ATAT1: variants seen among roughly 807,000 people sequenced by gnomAD.
The protein encoded by ATAT1 is alpha tubulin acetyltransferase 1, also known as alpha-tubulin N-acetyltransferase 1.
Under a neutral mutation model 57.2 loss-of-function variants are expected in ATAT1, and 42 were observed. The observed-to-expected ratio is 0.73, with a 90% CI of 0.57 to 0.95. The LOEUF is 0.95. Among genes scored for constraint, ATAT1 ranks in the 40% least tolerant of loss-of-function variants. The probability of loss-of-function intolerance (pLI) is 0.00; values close to 1 mark genes in which losing one functional copy is unlikely to be tolerated. For missense variants in ATAT1, 454 were observed against 523.7 expected, an observed-to-expected ratio of 0.87 and a Z score of 1.30; for synonymous variants, 168 against 187.1, an observed-to-expected ratio of 0.90 and a Z score of 0.83.
In ATAT1 at chr6:30,626,969, AC is replaced by A; in HGVS notation, c.-232del. 1 of 1,603,084 alleles carries A rather than the reference AC, an allele frequency of 6.2e-7. No individual in the cohort carries two copies. Among genetic ancestry groups the A allele is most frequent in the Non-Finnish European group, 8.5e-7 (1 of 1,175,286 alleles). On this transcript the variant is annotated 5_prime_UTR_variant, in exon 1 of 13. Transcript: ENST00000330083. ...AGCACCTGAGGCCCCCAGCCCGCCG[AC>A]CCGGAACCACAACGCCGGCCCGGTG...
chr6:30,628,028 T>C lies in ATAT1; in HGVS notation c.286-4T>C. The C allele has an allele frequency of 6.2e-7, 1 of 1,612,586 alleles. No individual in the cohort carries two copies. Among genetic ancestry groups the C allele is most frequent in the Non-Finnish European group, 8.5e-7 (1 of 1,179,592 alleles). On this transcript the variant is annotated splice_region_variant and splice_polypyrimidine_tract_variant and intron_variant, in intron 4 of 12. Coordinates refer to ENST00000330083, the MANE Select transcript of ATAT1 (RefSeq NM_001031722.4). Reference sequence around the variant, plus strand: ...CTAAAACATTTTTATTGTTTCTCTCTTAGGATGATCGTGAGGCTCATAATG... The same window carrying C: ...CTAAAACATTTTTATTGTTTCTCTCCTAGGATGATCGTGAGGCTCATAATG...
At position 30,627,273 on chromosome 6, in the gene ATAT1, A is replaced by T. The variant is rs571884853; in HGVS notation, c.70A>T (p.Ser24Cys). Reference sequence around the variant, plus strand: ...GGAGGAGGGAGTGTGCCACCTTGAAAGGTGTGACAGAAGTTTGGGTTTCAG... The same window carrying T: ...GGAGGAGGGAGTGTGCCACCTTGAATGGTGTGACAGAAGTTTGGGTTTCAG... The change falls in exon 1 of 13, where the codon AGT becomes TGT. Residue 24 changes from serine (S) to cysteine (C), a missense_variant and splice_region_variant. Around this residue, in one of 3 missense-constraint regions of ATAT1, gnomAD observed 236 missense variants for 284.5 expected, o/e 0.83. Coordinates refer to ENST00000330083, the MANE Select transcript of ATAT1 (RefSeq NM_001031722.4). 18 of 1,613,852 alleles carry T rather than the reference A, an allele frequency of 1.1e-5. No individual in the cohort carries two copies. The South Asian group carries it at 2.0e-4, about 18-fold the overall frequency.
intron 6 of ATAT1, among the ~76,000 whole-genome samples, chr6:30,637,991 C>T (rs978356070): frequency 1.3e-5 from 2 of 152,128 alleles, no homozygotes; most frequent in Non-Finnish European, 2.9e-5. Context: ...GATCTTCCCA[C>T]CTCAACCTCC....
intron 8 of ATAT1, chr6:30,641,853 T>G: frequency 8.6e-7 from 1 of 1,157,600 alleles, no homozygotes; most frequent in Non-Finnish European, 1.1e-6. Flanking sequence ...CAGGGGGCCA[T>G]GACAGCACCC....
intron 10 of ATAT1, chr6:30,643,843 G>A (rs1766066186): frequency 1.5e-6 from 2 of 1,316,164 alleles, no homozygotes; most frequent in Non-Finnish European, 1.9e-6. Context: ...TTCTTGGTTA[G>A]ATGGCTCATA....
intron 6 of ATAT1, 122 bp from the exon 7 acceptor site, chr6:30,640,255 T>G (rs1295443516): frequency 2.9e-6 from 3 of 1,046,666 alleles, no homozygotes; most frequent in Non-Finnish European, 4.3e-6. Flanking sequence ...CTATAGTGTC[T>G]AGGTTTGTGT....
intron 6 of ATAT1, among the ~76,000 whole-genome samples, chr6:30,630,502 G>C (rs1762621221): frequency 6.6e-6 from 1 of 152,052 alleles, no homozygotes; most frequent in Non-Finnish European, 1.5e-5. Flanking sequence ...GGGGCATGAT[G>C]GTGGGTACCT....
At chr6:30,644,977 G>T (rs1344500816) in intron 10 of ATAT1, among the ~76,000 whole-genome samples, 1 of 152,144 alleles carries the variant, frequency 6.6e-6, no homozygotes, top group African/African-American at 2.4e-5. Flanking sequence ...CCTTTGCCAA[G>T]ATGTCAAAGC....
Position 30,627,620 on chromosome 6 carries a change from T to C in ATAT1, c.133-16T>C. 3 of 1,612,340 alleles carry C rather than the reference T, an allele frequency of 1.9e-6. No individual in the cohort carries two copies. The highest frequency in any genetic ancestry group is 2.5e-6 in the Non-Finnish European group (3 of 1,179,364). On this transcript the variant is annotated splice_polypyrimidine_tract_variant and intron_variant, in intron 2 of 12. Coordinates refer to ENST00000330083, the MANE Select transcript of ATAT1 (RefSeq NM_001031722.4). ...CGGAGAGACTTGCAGAAAGTCTGACTTAATCTTCCCTGCAGGCCCAGAATC... is the reference window on the plus strand; with the variant it reads ...CGGAGAGACTTGCAGAAAGTCTGACCTAATCTTCCCTGCAGGCCCAGAATC...
intron 6 of ATAT1, among the ~76,000 whole-genome samples, chr6:30,634,678 A>AC (rs1214769691): frequency 6.6e-6 from 1 of 150,810 alleles, no homozygotes; most frequent in Non-Finnish European, 1.5e-5. Flanking sequence ...AAAAAAAAAA[A>AC]AAAAACCTTG....
rs1356571508 is a variant in ATAT1 at position 30,627,029 on chromosome 6, C to T, written c.-175C>T. The T allele has an allele frequency of 6.4e-7, 1 of 1,556,710 alleles. No individual in the cohort carries two copies. Among genetic ancestry groups the T allele is most frequent in the Admixed American group, 1.9e-5 (1 of 51,656 alleles). ...AACCCACCCTCTGGCCCTTTTCTCC[C>T]GGTTCCTCTCCAAACCTGGTCCAGG... On this transcript the variant is annotated 5_prime_UTR_variant, in exon 1 of 13. Transcript: ENST00000330083.
At position 30,645,936 on chromosome 6, in the gene ATAT1, G is replaced by A. The variant is rs185878109; in HGVS notation, c.974G>A (p.Ser325Asn). ...CTGGTAGCCCAAAGCTGCTGCTACAGCCGCCATGGGGGGGTGAATTCCTCA... is the reference window on the plus strand; with the variant it reads ...CTGGTAGCCCAAAGCTGCTGCTACAACCGCCATGGGGGGGTGAATTCCTCA... The change falls in exon 11 of 13, where the codon AGC becomes AAC. Residue 325 changes from serine to asparagine, a missense_variant. By Grantham distance (46) the Ser-to-Asn change is conservative (BLOSUM62 1). Transcript: ENST00000330083. 16 of 1,527,610 alleles carry A rather than the reference G, an allele frequency of 1.0e-5. No individual in the cohort carries two copies. The East Asian group carries it at 2.3e-4, about 22-fold the overall frequency. 94.6% of individuals were successfully genotyped at this position (1,527,610 alleles called of 1,614,324 possible). A position where few individuals can be genotyped will look rare whatever the true frequency, so the allele number is the denominator to read the frequency against.
intron 10 of ATAT1, 109 bp downstream of exon 10, chr6:30,643,120 C>CT: frequency 6.6e-7 from 1 of 1,510,900 alleles, no homozygotes. Flanking sequence ...AGATGGGTGG[C>CT]TTGGGGGGGG....
intron 6 of ATAT1, among the ~76,000 whole-genome samples, chr6:30,636,868 G>C (rs1446952517): frequency 6.6e-6 from 1 of 152,058 alleles, no homozygotes; most frequent in Non-Finnish European, 1.5e-5. Context: ...CTGGAGTGCA[G>C]TGGCACAATC....
At chr6:30,643,329 C>T in intron 10 of ATAT1, 2 of 1,427,344 alleles carry the variant, frequency 1.4e-6, no homozygotes, top group Non-Finnish European at 1.8e-6. Flanking sequence ...TCGCTTAATA[C>T]TTGCTGGGGA....
intron 4 of ATAT1, 36 bp downstream of exon 4, chr6:30,627,947 T>C (rs1271475808): frequency 6.2e-7 from 1 of 1,611,512 alleles, no homozygotes; most frequent in African/African-American, 1.3e-5. Context: ...TCGTATACCT[T>C]GGTTTCTGAG....
chr6:30,629,947 A>G (rs1762502611), intron 6 of ATAT1, among the ~76,000 whole-genome samples: 1 of 152,216 alleles, frequency 6.6e-6, no homozygotes, highest in South Asian at 2.1e-4. Flanking sequence ...TTAAGGGTCC[A>G]GAATAATATG....
chr6:30,627,442 TTTC>T lies in ATAT1; in HGVS notation c.72-13_72-11del. The T allele has an allele frequency of 6.2e-7, 1 of 1,611,718 alleles. No individual in the cohort carries two copies. The highest frequency in any genetic ancestry group is 1.1e-5 in the South Asian group (1 of 91,038). Reference sequence around the variant, plus strand: ...AATTTAGTGAGTATCTGACTCTTTATTTCTTCTCTTTCTCTAGTGTTGATCTAC... The same window carrying T: ...AATTTAGTGAGTATCTGACTCTTTATTTCTCTTTCTCTAGTGTTGATCTAC... On this transcript the variant is annotated splice_polypyrimidine_tract_variant and intron_variant, in intron 1 of 12. Transcript: ENST00000330083.
In ATAT1 at chr6:30,642,832, A is replaced by AAACC; in HGVS notation, c.753_754insAACC (p.Ala252AsnfsTer49). ...GGGCCCCTCGCCGCGCCACACCTCCAGCCCACCCACCCCCCCGCTCCAGCA... is the reference window on the plus strand; with the variant it reads ...GGGCCCCTCGCCGCGCCACACCTCCAAACCGCCCACCCACCCCCCCGCTCCAGCA... On this transcript the variant is annotated frameshift_variant, in exon 10 of 13. Transcript: ENST00000330083. LOFTEE classifies it high-confidence loss of function. 8.1e-7 allele frequency: 1 copy of AAACC among 1,230,748 alleles called. No homozygotes were observed. The highest frequency in any genetic ancestry group is 1.1e-6 in the Non-Finnish European group (1 of 892,690). The allele number at this position is 1,230,748 out of a possible 1,614,324, so 76.2% of individuals were successfully genotyped here.
Sources: gnomAD v4.1 joint callset for allele counts (sites outside exome capture counted in the v4.1 genomes callset) on GRCh38, gnomAD v4.1.1 for gene constraint, gnomAD v4.1.1 regional missense constraint, MANE v1.5 for transcripts, NCBI Gene and HGNC (gene_info 2026-07-23, HGNC 2026-07-21) for gene names.